EXT1: variants seen among roughly 807,000 people sequenced by gnomAD.
EXT1 encodes the protein exostosin-1.
EXT1 carries 20 observed loss-of-function variants against 82.5 expected under a neutral mutation model. The ratio of observed to expected loss-of-function variants is 0.24; its 90% CI spans 0.17 to 0.35. The LOEUF (loss-of-function observed/expected upper bound fraction) is 0.35. EXT1 is among the 10% of genes least tolerant of loss of function. The pLI is 1.00. For synonymous variants in EXT1, 348 were observed against 350.8 expected (o/e 0.99, Z 0.09); for missense variants, 757 against 936.5 (o/e 0.81, Z 2.50).
intron 1 of EXT1, among the ~76,000 whole-genome samples, chr8:117,956,188 A>C (rs549100641): frequency 6.6e-5 from 10 of 152,116 alleles, no homozygotes; most frequent in African/African-American, 2.4e-4. Context: ...AAAAAAAAAA[A>C]AACAAGTCGG....
intron 1 of EXT1, among the ~76,000 whole-genome samples, chr8:117,937,552 C>A (rs1162285873): frequency 6.6e-6 from 1 of 152,166 alleles, no homozygotes; most frequent in Admixed American, 6.5e-5. Flanking sequence ...GTTGTCCCAG[C>A]AAGAAAATAA....
At chr8:118,038,305 G>A (rs535325077) in intron 1 of EXT1, among the ~76,000 whole-genome samples, 1 of 152,290 alleles carries the variant, frequency 6.6e-6, no homozygotes, top group South Asian at 2.1e-4. Context: ...AACTAACACT[G>A]GAGGTAAATT....
rs1817884750 is a variant in EXT1 at position 118,110,760 on chromosome 8, T to C, written c.287A>G (p.Lys96Arg). Residue 96 changes from lysine (K) to arginine (R), a missense_variant, in exon 1 of 11, where the codon AAG becomes AGG. Physicochemically the swap from Lys to Arg is conservative, Grantham distance 26 (BLOSUM62 2). Around this residue, in one of 4 missense-constraint regions of EXT1, gnomAD observed 175 missense variants for 159.0 expected, o/e 1.10. Coordinates refer to ENST00000378204, the MANE Select transcript of EXT1 (RefSeq NM_000127.3). ...GAAGCAGGACTCCATGCGGCACTTC[T>C]TGCCTTTGTAGATGCTGGAGTTGGC... ...RDANSSIYKG[K>R]KCRMESCFDF... The C allele has an allele frequency of 1.2e-6, 2 of 1,614,224 alleles. No homozygotes were observed.
intron 1 of EXT1, among the ~76,000 whole-genome samples, chr8:118,106,256 C>T (rs1286879964): frequency 6.6e-6 from 1 of 152,186 alleles, no homozygotes; most frequent in Non-Finnish European, 1.5e-5. Context: ...TAACAAACAC[C>T]ATTAATAAGG....
chr8:118,009,862 G>T (rs1272916944), intron 1 of EXT1, among the ~76,000 whole-genome samples: 1 of 152,090 alleles, frequency 6.6e-6, no homozygotes, highest in African/African-American at 2.4e-5. Context: ...CCGGTTCCTG[G>T]TGCCAAAAAG....
At chr8:117,977,778 C>T (rs1390462137) in intron 1 of EXT1, among the ~76,000 whole-genome samples, 1 of 152,150 alleles carries the variant, frequency 6.6e-6, no homozygotes, top group Non-Finnish European at 1.5e-5. Context: ...ATAAATGTCT[C>T]CATACCCACT....
chr8:118,111,722 T>TGGCGGC lies in EXT1; in HGVS notation c.-682_-677dup, dbSNP rs1586280926. 2 of 147,628 alleles carry TGGCGGC rather than the reference T, an allele frequency of 1.4e-5. No homozygotes were observed. The highest frequency in any genetic ancestry group is 4.9e-5 in the African/African-American group (2 of 40,744). The allele number at this position is 147,628 out of a possible 1,614,324, so 9.1% of individuals were successfully genotyped here. A position where few individuals can be genotyped will look rare whatever the true frequency, so the allele number is the denominator to read the frequency against. On this transcript the variant is annotated 5_prime_UTR_variant, in exon 1 of 11. Transcript: ENST00000378204. ...AGGCGGCGGCGGCGGCGGCGCTGGG[T>TGGCGGC]GGCGGCGGCGGCGCGTCCTCCCCGC...
intron 1 of EXT1, among the ~76,000 whole-genome samples, chr8:118,042,370 T>C (rs1816547560): frequency 6.6e-6 from 1 of 152,034 alleles, no homozygotes; most frequent in East Asian, 1.9e-4. Flanking sequence ...CTCAGCTCAC[T>C]GTAACCTCCG....
chr8:117,966,025 C>T (rs1814803249), intron 1 of EXT1, among the ~76,000 whole-genome samples: 1 of 151,760 alleles, frequency 6.6e-6, no homozygotes, highest in Non-Finnish European at 1.5e-5. Flanking sequence ...TATACACACG[C>T]ACATATACAT....
At chr8:118,048,942 C>T (rs954324081) in intron 1 of EXT1, among the ~76,000 whole-genome samples, 3 of 152,160 alleles carry the variant, frequency 2.0e-5, no homozygotes, top group African/African-American at 7.2e-5. Flanking sequence ...CAGCCAAACA[C>T]AATCTATAAA....
chr8:118,056,571 G>C (rs1816798571), intron 1 of EXT1, among the ~76,000 whole-genome samples: 1 of 152,080 alleles, frequency 6.6e-6, no homozygotes, highest in African/African-American at 2.4e-5. Flanking sequence ...TCTGAAAAGG[G>C]ACCGTTTGAA....
intron 1 of EXT1, among the ~76,000 whole-genome samples, chr8:118,098,271 C>A (rs1047532143): frequency 5.3e-5 from 8 of 152,244 alleles, no homozygotes; most frequent in African/African-American, 1.9e-4. Context: ...GCCCAACATA[C>A]CTGCCAGGAC....
At chr8:118,007,262 A>G (rs1481589665) in intron 1 of EXT1, among the ~76,000 whole-genome samples, 1 of 151,904 alleles carries the variant, frequency 6.6e-6, no homozygotes, top group Admixed American at 6.6e-5. Context: ...GCGCCACTGC[A>G]CTCCAACCTG....
chr8:117,978,866 A>AT (rs1352177764), intron 1 of EXT1, among the ~76,000 whole-genome samples: 2 of 152,178 alleles, frequency 1.3e-5, no homozygotes, highest in Non-Finnish European at 2.9e-5. Context: ...CTCATGTTAA[A>AT]TTTTCCCTCT....
At chr8:117,849,521 T>C (rs1017731181) in intron 1 of EXT1, among the ~76,000 whole-genome samples, 1 of 152,262 alleles carries the variant, frequency 6.6e-6, no homozygotes, top group African/African-American at 2.4e-5. Flanking sequence ...ATAATTCATA[T>C]GACAAGTTTC....
chr8:118,100,513 G>A (rs1246468298), intron 1 of EXT1, among the ~76,000 whole-genome samples: 1 of 152,158 alleles, frequency 6.6e-6, no homozygotes, highest in Non-Finnish European at 1.5e-5. Context: ...ACTTTGGGAG[G>A]CCGAGGCAGG....
chr8:117,859,069 T>C (rs978492313), intron 1 of EXT1, among the ~76,000 whole-genome samples: 2 of 152,232 alleles, frequency 1.3e-5, no homozygotes, highest in Admixed American at 1.3e-4. Context: ...AATTAAGGTA[T>C]ATATATTGAG....
intron 1 of EXT1, among the ~76,000 whole-genome samples, chr8:117,977,605 A>G (rs1006813060): frequency 1.3e-5 from 2 of 152,196 alleles, no homozygotes; most frequent in Non-Finnish European, 2.9e-5. Flanking sequence ...CAAAGAACAT[A>G]CATAAAAGGG....
intron 1 of EXT1, among the ~76,000 whole-genome samples, chr8:117,891,352 AT>A (rs1359140092): frequency 6.6e-6 from 1 of 152,234 alleles, no homozygotes; most frequent in Non-Finnish European, 1.5e-5. Context: ...CTATCATTAA[AT>A]TTAAACAGCC....
Sources: allele counts gnomAD v4.1 joint callset (sites outside exome capture counted in the v4.1 genomes callset), GRCh38; gene constraint gnomAD v4.1.1; regional missense constraint gnomAD v4.1.1; transcripts MANE v1.5; gene names NCBI Gene and HGNC (gene_info 2026-07-23, HGNC 2026-07-21).